ABCA7: variants seen among roughly 807,000 people sequenced by gnomAD.
ABCA7 encodes the protein phospholipid-transporting ATPase ABCA7.
ABCA7 carries 261 observed loss-of-function variants against 227.6 expected under a neutral mutation model. That is an observed-to-expected ratio of 1.15 (90% CI 1.04 to 1.27). The LOEUF is 1.27. Among genes scored for constraint, ABCA7 ranks in the 50% most tolerant of loss-of-function variants. ABCA7 has a pLI of 0.00. For missense variants in ABCA7, 3,331 were observed against 2,924.5 expected, an observed-to-expected ratio of 1.14 and a Z score of -3.21; for synonymous variants, 1,488 against 1,279.7, an observed-to-expected ratio of 1.16 and a Z score of -3.47.
chr19:1,062,026 A>C, intron 41 of ABCA7, 138 bp downstream of exon 41: 1 of 1,438,206 alleles, frequency 7.0e-7, no homozygotes. Context: ...CTGCACCTCT[A>C]CCTCCCACAC....
At chr19:1,046,538 GACC>G in intron 13 of ABCA7, 132 bp downstream of exon 13, 1 of 1,301,202 alleles carries the variant, frequency 7.7e-7, no homozygotes, top group Non-Finnish European at 1.0e-6. Context: ...CACTCCACGT[GACC>G]TGCTGCAGCG....
At position 1,041,220 on chromosome 19, in the gene ABCA7, A is replaced by C; in HGVS notation, c.-137-5A>C. On this transcript the variant is annotated splice_region_variant and splice_polypyrimidine_tract_variant and intron_variant, in intron 1 of 46. Coordinates refer to ENST00000263094, the MANE Select transcript of ABCA7 (RefSeq NM_019112.4). Reference sequence around the variant, plus strand: ...AGTGACTACTGTTTGCCTCGCTCTAATCAGAGCTTCCAGGAACCCTGCGCT... The same window carrying C: ...AGTGACTACTGTTTGCCTCGCTCTACTCAGAGCTTCCAGGAACCCTGCGCT... 2 of 877,284 alleles carry C rather than the reference A, an allele frequency of 2.3e-6. No individual in the cohort carries two copies. Among genetic ancestry groups the C allele is most frequent in the Non-Finnish European group, 3.8e-6 (2 of 531,674 alleles). The allele number at this position is 877,284 out of a possible 1,614,324, so 54.3% of individuals were successfully genotyped here.
intron 44 of ABCA7, 100 bp downstream of exon 44, chr19:1,063,963 C>A: frequency 7.0e-7 from 1 of 1,422,656 alleles, no homozygotes; most frequent in Non-Finnish European, 9.3e-7. Context: ...GGTCCTGGCC[C>A]TAGTGGGGCG....
chr19:1,040,294 C>T (rs2039886875), intron 1 of ABCA7, 98 bp downstream of exon 1: 1 of 152,222 alleles, frequency 6.6e-6, no homozygotes, highest in African/African-American at 2.4e-5. Flanking sequence ...GGGGTCCAGC[C>T]TCTGACCTCC....
rs1037345994 is a variant in ABCA7 at position 1,056,051 on chromosome 19, T to A, written c.4239-15T>A. On this transcript the variant is annotated splice_polypyrimidine_tract_variant and intron_variant, in intron 31 of 46. Transcript: ENST00000263094. This position sits in a 1 kb window ranked among gnomAD's most constrained non-coding sequence, Gnocchi z 4.3. ...CGGCCCTCAGCTCCCCTTCCCTGCC[T>A]GCATGGCCCCACAGATACGGAGGCT... is the stretch of plus-strand genomic sequence containing the variant. 1.3e-6 allele frequency: 2 copies of A among 1,569,660 alleles called. No individual in the cohort carries two copies. The highest frequency in any genetic ancestry group is 1.2e-5 in the South Asian group (1 of 85,600).
At position 1,057,090 on chromosome 19, in the gene ABCA7, G is replaced by T. The variant is rs1568387423; in HGVS notation, c.4764+6G>T. ...GCAACTTTCTCTGGGACATGGTGCGGGGGCTGCTTGGACGGGTGGGGGCCC... is the reference window on the plus strand; with the variant it reads ...GCAACTTTCTCTGGGACATGGTGCGTGGGCTGCTTGGACGGGTGGGGGCCC... On this transcript the variant is annotated splice_donor_region_variant and intron_variant, in intron 34 of 46. Coordinates refer to ENST00000263094, the MANE Select transcript of ABCA7 (RefSeq NM_019112.4). The T allele has an allele frequency of 1.9e-6, 3 of 1,608,800 alleles. No individual in the cohort carries two copies. Among genetic ancestry groups the T allele is most frequent in the Non-Finnish European group, 1.7e-6 (2 of 1,177,574 alleles).
At chr19:1,055,664 G>A (rs542015471) in intron 30 of ABCA7, among the ~76,000 whole-genome samples, 4 of 151,956 alleles carry the variant, frequency 2.6e-5, no homozygotes, top group Non-Finnish European at 2.9e-5. Context: ...CACCACTCCC[G>A]ACTAATTTTT....
intron 12 of ABCA7, chr19:1,045,549 T>G: frequency 2.7e-6 from 1 of 365,144 alleles, no homozygotes; most frequent in Non-Finnish European, 5.1e-6. Context: ...CACCGGGTGC[T>G]GAGCGCAGTA....
intron 29 of ABCA7, 71 bp from the exon 30 acceptor site, chr19:1,055,026 A>G: frequency 6.5e-7 from 1 of 1,538,800 alleles, no homozygotes; most frequent in Non-Finnish European, 8.8e-7. Context: ...GAACCCCCAG[A>G]AGCTGGGTGC....
chr19:1,042,290 A>G, intron 5 of ABCA7, 25 bp from the exon 6 acceptor site: 1 of 1,575,734 alleles, frequency 6.3e-7, no homozygotes, highest in Non-Finnish European at 8.7e-7. Context: ...CCCCAGCCCC[A>G]TGCTCCCGTG....
In ABCA7 at chr19:1,053,988, C is replaced by A. The variant is rs1599670126; in HGVS notation, c.3473-18C>A. ...CCGTGACCCTCAACTTTGACCCTGA[C>A]CCCTGATGGCCCTGCAGATGGCAGC... On this transcript the variant is annotated intron_variant, in intron 25 of 46. Coordinates refer to ENST00000263094, the MANE Select transcript of ABCA7 (RefSeq NM_019112.4). The A allele has an allele frequency of 3.1e-6, 5 of 1,612,754 alleles. 1 individual carries two copies. In the African/African-American group the frequency reaches 6.7e-5, roughly 21 times the overall value.
At chr19:1,040,835 G>T (rs1236709235) in intron 1 of ABCA7, among the ~76,000 whole-genome samples, 1 of 152,192 alleles carries the variant, frequency 6.6e-6, no homozygotes, top group South Asian at 2.1e-4. Flanking sequence ...CACTTCTGTA[G>T]AGTGGGGTGA....
Position 1,046,984 on chromosome 19 carries a change from C to A in ABCA7, c.1805C>A (p.Pro602His). 6.3e-7 allele frequency: 1 copy of A among 1,582,518 alleles called. No homozygotes were observed. The highest frequency in any genetic ancestry group is 8.6e-7 in the Non-Finnish European group (1 of 1,167,856). The change falls in exon 14 of 47, where the codon CCC becomes CAC. Residue 602 changes from proline to histidine, a missense_variant. By Grantham distance (77) the Pro-to-His change is moderately conservative. Coordinates refer to ENST00000263094, the MANE Select transcript of ABCA7 (RefSeq NM_019112.4). ...WLGWFLSCLGPFLLSAALLVL... is the reference protein window; with the variant it reads ...WLGWFLSCLGHFLLSAALLVL... ...GGCTGGTTCCTCAGCTGCCTCGGGC[C>A]CTTCCTGCTCAGCGCCGCACTGCTG... is the stretch of plus-strand genomic sequence containing the variant.
At position 1,047,352 on chromosome 19, in the gene ABCA7, CTGCCCGCGGGTGGCCGCG is replaced by C; in HGVS notation, c.2044_2061del (p.Pro682_Val687del). 1 of 1,578,868 alleles carries C rather than the reference CTGCCCGCGGGTGGCCGCG, an allele frequency of 6.3e-7. No individual in the cohort carries two copies. Among genetic ancestry groups the C allele is most frequent in the Non-Finnish European group, 8.6e-7 (1 of 1,167,708 alleles). On this transcript the variant is annotated inframe_deletion, in exon 15 of 47. Transcript: ENST00000263094. ...GCTGTGTGTGGCTTGGCGGGACCGG[CTGCCCGCGGGTGGCCGCG>C]TGGCCGCGGTGAGAGCCGGGTCGGG...
intron 18 of ABCA7, among the ~76,000 whole-genome samples, chr19:1,049,688 C>T (rs190059318): frequency 2.1e-4 from 1 of 4,868 alleles, no homozygotes; most frequent in Non-Finnish European, 3.7e-4. Flanking sequence ...ACTCCCTCCC[C>T]GTGAGCCCCC....
At chr19:1,057,807 G>T (rs565804269) in intron 35 of ABCA7, 108 bp from the exon 36 acceptor site, 63 of 1,383,556 alleles carry the variant, frequency 4.6e-5, no homozygotes, top group Non-Finnish European at 6.0e-5. Flanking sequence ...TGTGCTTTGG[G>T]TGAAAATGTC....
Position 1,049,285 on chromosome 19 carries a change from G to A in ABCA7, c.2400G>A (p.Pro800=), listed in dbSNP as rs569408942. The A allele has an allele frequency of 1.6e-5, 25 of 1,608,400 alleles. No homozygotes were observed. Among genetic ancestry groups the A allele is most frequent in the Admixed American group, 1.2e-4 (7 of 59,696 alleles). Residue 800 remains proline, a synonymous_variant, in exon 18 of 47, where the codon CCG becomes CCA. Coordinates refer to ENST00000263094, the MANE Select transcript of ABCA7 (RefSeq NM_019112.4). ...CTGCAGTGCTGGTAGAAGAGGCACC[G>A]CCCGGCCTGAGTCCTGGCGTCTCCG... ...LDPKVLVEEA[P]PGLSPGVSVR...
At chr19:1,060,046 C>A (rs2042552468) in intron 40 of ABCA7, among the ~76,000 whole-genome samples, 1 of 152,154 alleles carries the variant, frequency 6.6e-6, no homozygotes, top group South Asian at 2.1e-4. Flanking sequence ...CACTTGCTCA[C>A]AGCCAGCATT....
At chr19:1,055,499 CT>C (rs397709972) in intron 30 of ABCA7, 148 bp downstream of exon 30, 114,776 of 423,352 alleles carry the variant, frequency 0.27, 3,045 homozygotes, top group Admixed American at 0.31. Context: ...TTCCTTTCCT[CT>C]TTTTTTTTTT....
Sources: allele counts gnomAD v4.1 joint callset (sites outside exome capture counted in the v4.1 genomes callset), GRCh38; gene constraint gnomAD v4.1.1; non-coding constraint Gnocchi (gnomAD v3.1); transcripts MANE v1.5; gene names NCBI Gene and HGNC (gene_info 2026-07-23, HGNC 2026-07-21).